Variants in DACT3 observed in about 807,000 individuals in gnomAD.
DACT3 encodes dishevelled binding antagonist of beta catenin 3.
DACT3 carries 5 observed loss-of-function variants against 19.6 expected under a neutral mutation model. The observed-to-expected ratio is 0.26, with a 90% CI of 0.13 to 0.54. DACT3 has a LOEUF of 0.54. Ranked by LOEUF, DACT3 falls within the 20% of genes least tolerant of loss-of-function variation. The probability of loss-of-function intolerance (pLI) is 0.95; values close to 1 mark genes in which losing one functional copy is unlikely to be tolerated. For missense variants in DACT3, 908 were observed against 927.4 expected (o/e 0.98, Z 0.27); for synonymous variants, 454 against 428.1 (o/e 1.06, Z -0.75).
chr19:46,649,643 C>A lies in DACT3; in HGVS notation c.729G>T (p.Gly243=), dbSNP rs1313257340. The change falls in exon 4 of 4, where the codon GGG becomes GGT. Residue 243 remains glycine (G), a synonymous_variant. Transcript: ENST00000391916. ...AGCCGTCCAGGGGCCGCCCTGCGCC[C>A]CCCGCGTCGGGCGAGTCGGTGGGAG... is the stretch of plus-strand genomic sequence containing the variant. ...GRPPTDSPDA[G]GAGRPLDGYI... 1.7e-5 allele frequency: 20 copies of A among 1,148,522 alleles called. No homozygotes were observed. The highest frequency in any genetic ancestry group is 2.1e-5 in the Non-Finnish European group (20 of 936,604). 71.1% of individuals were successfully genotyped at this position (1,148,522 alleles called of 1,614,324 possible). A position where few individuals can be genotyped will look rare whatever the true frequency, so the allele number is the denominator to read the frequency against.
rs375219049 is a variant in DACT3 at position 46,648,523 on chromosome 19, G to T, written c.1849C>A (p.Arg617Ser). 6.2e-7 allele frequency: 1 copy of T among 1,614,018 alleles called. No individual in the cohort carries two copies. The highest frequency in any genetic ancestry group is 8.5e-7 in the Non-Finnish European group (1 of 1,179,874). ...ACCTTGAGAGAACCCGAACGGAAAC[G>T]CAGTATCTTTTTCTTGAGCGCGTGG... ...ASHALKKKILRFRSGSLKVMT... is the reference protein window; with the variant it reads ...ASHALKKKILSFRSGSLKVMT... Residue 617 changes from arginine to serine, a missense_variant, in exon 4 of 4, where the codon CGT (arginine) becomes AGT (serine). Around this residue, in one of 2 missense-constraint regions of DACT3, gnomAD observed 656 missense variants for 601.8 expected, o/e 1.09. Transcript: ENST00000391916. This position sits in a 1 kb window ranked among gnomAD's most constrained non-coding sequence, Gnocchi z 5.1.
chr19:46,655,183 A>G, intron 1 of DACT3: 1 of 404,628 alleles, frequency 2.5e-6, no homozygotes, highest in Non-Finnish European at 3.3e-6. Flanking sequence ...TCCCCCACAT[A>G]CCTTCCTTGC....
At chr19:46,658,055 T>C (rs932048829) in intron 1 of DACT3, among the ~76,000 whole-genome samples, 5 of 151,832 alleles carry the variant, frequency 3.3e-5, no homozygotes, top group African/African-American at 1.2e-4. Flanking sequence ...ATTGTGCCAT[T>C]GCACTCTGGC....
chr19:46,649,032 G>A lies in DACT3; in HGVS notation c.1340C>T (p.Ala447Val). 2 of 1,275,110 alleles carry A rather than the reference G, an allele frequency of 1.6e-6. No individual in the cohort carries two copies. Among genetic ancestry groups the A allele is most frequent in the Non-Finnish European group, 2.0e-6 (2 of 1,012,762 alleles). 79.0% of individuals were successfully genotyped at this position (1,275,110 alleles called of 1,614,324 possible). ...TGGAGGCCGAGGCTCTTCCCGCTCC[G>A]CCGTGGGGTACTTAGGGGGCCCCGA... The part of the protein sequence containing the change: ...VPSGPPKYPT[A>V]EREEPRPPRP... The change falls in exon 4 of 4, where the codon GCG (alanine) becomes GTG (valine). Residue 447 changes from alanine to valine, a missense_variant. Physicochemically the swap from Ala to Val is moderately conservative, Grantham distance 64 (BLOSUM62 0). Coordinates refer to ENST00000391916, the MANE Select transcript of DACT3 (RefSeq NM_145056.3).
chr19:46,651,644 T>TTGTGTGTGTGTGTGTGTG (rs10600060), intron 3 of DACT3: 1 of 134,662 alleles, frequency 7.4e-6, no homozygotes, highest in South Asian at 2.5e-4. Flanking sequence ...CAGGCACTGT[T>TTGTGTGTGTGTGTGTGTG]TGTGTGTGTG....
At position 46,649,595 on chromosome 19, in the gene DACT3, C is replaced by T; in HGVS notation, c.777G>A (p.Arg259=). ...GCTGGCCCGCCCCCCGGCGGCGGCGCCTGCGCAGGAGCGCCGAGATGTAGC... is the reference window on the plus strand; with the variant it reads ...GCTGGCCCGCCCCCCGGCGGCGGCGTCTGCGCAGGAGCGCCGAGATGTAGC... ...LDGYISALLR[R]RRRRGAGQPR... is the part of the protein sequence containing the mutation. The change falls in exon 4 of 4, where the codon AGG becomes AGA. Residue 259 remains arginine, a synonymous_variant. Transcript: ENST00000391916. 2.7e-6 allele frequency: 3 copies of T among 1,114,344 alleles called. No homozygotes were observed. The highest frequency in any genetic ancestry group is 3.3e-6 in the Non-Finnish European group (3 of 909,312). The allele number at this position is 1,114,344 out of a possible 1,614,324, so 69.0% of individuals were successfully genotyped here.
Position 46,649,427 on chromosome 19 carries a change from G to C in DACT3, c.945C>G (p.Thr315=). ...PSLERVGGHP[T]SPAALSRAWA... is the part of the protein sequence containing the mutation. ...AGGCGCGGCTCAAGGCGGCAGGGCT[G>C]GTGGGGTGGCCCCCGACGCGCTCCA... Residue 315 remains threonine, a synonymous_variant, in exon 4 of 4, where the codon ACC becomes ACG. Transcript: ENST00000391916. 1 of 1,267,720 alleles carries C rather than the reference G, an allele frequency of 7.9e-7. No homozygotes were observed. Among genetic ancestry groups the C allele is most frequent in the Admixed American group, 3.4e-5 (1 of 29,118 alleles). The allele number at this position is 1,267,720 out of a possible 1,614,324, so 78.5% of individuals were successfully genotyped here. A position where few individuals can be genotyped will look rare whatever the true frequency, so the allele number is the denominator to read the frequency against.
Position 46,649,666 on chromosome 19 carries a change from G to C in DACT3, c.706C>G (p.Pro236Ala), listed in dbSNP as rs1463125864. The change falls in exon 4 of 4, where the codon CCC (proline) becomes GCC (alanine). Residue 236 changes from proline to alanine, a missense_variant. Pro to Ala is a conservative substitution (Grantham distance 27). Coordinates refer to ENST00000391916, the MANE Select transcript of DACT3 (RefSeq NM_145056.3). ...MRSPRPCGRP[P>A]TDSPDAGGAG... ...CCCCCCGCGTCGGGCGAGTCGGTGG[G>C]AGGGCGGCCGCAGGGCCGCGGGCTG... 1 of 1,167,770 alleles carries C rather than the reference G, an allele frequency of 8.6e-7. No homozygotes were observed. Among genetic ancestry groups the C allele is most frequent in the East Asian group, 4.0e-5 (1 of 25,038 alleles). 72.3% of individuals were successfully genotyped at this position (1,167,770 alleles called of 1,614,324 possible). A position where few individuals can be genotyped will look rare whatever the true frequency, so the allele number is the denominator to read the frequency against.
chr19:46,659,452 A>G (rs1304618500), intron 1 of DACT3: 14 of 980,510 alleles, frequency 1.4e-5, no homozygotes, highest in Non-Finnish European at 1.7e-5. Context: ...CCTTGTCAGG[A>G]TGGAAGGCGC....
At position 46,648,951 on chromosome 19, in the gene DACT3, C is replaced by T; in HGVS notation, c.1421G>A (p.Arg474His). 1.5e-6 allele frequency: 2 copies of T among 1,319,404 alleles called. No individual in the cohort carries two copies. The highest frequency in any genetic ancestry group is 2.0e-5 in the South Asian group (1 of 49,112). The allele number at this position is 1,319,404 out of a possible 1,614,324, so 81.7% of individuals were successfully genotyped here. A position where few individuals can be genotyped will look rare whatever the true frequency, so the allele number is the denominator to read the frequency against. ...GATCTCCGCAGTGGAGCGCCAGCGA[C>T]GGCAGGACCCTGCGGCCTGGGCCGC... ...TLAAQAAGSC[R>H]RWRSTAEIDA... The change falls in exon 4 of 4, where the codon CGT becomes CAT. Residue 474 changes from arginine (R) to histidine (H), a missense_variant. Physicochemically the swap from Arg to His is conservative, Grantham distance 29. Transcript: ENST00000391916. This position sits in a 1 kb window ranked among gnomAD's most constrained non-coding sequence, Gnocchi z 5.1.
chr19:46,653,841 A>G (rs1489703396), intron 1 of DACT3, among the ~76,000 whole-genome samples: 1 of 152,150 alleles, frequency 6.6e-6, no homozygotes, highest in Non-Finnish European at 1.5e-5. Context: ...GGCATGAGCC[A>G]CTGCGCCCAG....
chr19:46,652,483 T>C (rs1023847069), intron 3 of DACT3, 177 bp downstream of exon 3: 7 of 751,168 alleles, frequency 9.3e-6, no homozygotes, highest in Non-Finnish European at 1.5e-5. Flanking sequence ...CCAGCCATAT[T>C]TCATTTTAAC....
intron 1 of DACT3, among the ~76,000 whole-genome samples, chr19:46,658,405 T>C (rs1445524074): frequency 6.6e-6 from 1 of 152,060 alleles, no homozygotes; most frequent in East Asian, 1.9e-4. Context: ...AATAAATAAA[T>C]ATATCATTTA....
chr19:46,654,144 C>T (rs902166436), intron 1 of DACT3: 6 of 985,330 alleles, frequency 6.1e-6, no homozygotes, highest in Non-Finnish European at 6.0e-6. Context: ...TGGTCCACTC[C>T]CACCAGGAAG....
At chr19:46,659,206 C>A in intron 1 of DACT3, 2 of 985,180 alleles carry the variant, frequency 2.0e-6, no homozygotes. Flanking sequence ...CGCCTCCTCC[C>A]TGATGCTGGG....
Position 46,660,850 on chromosome 19 carries a change from G to A in DACT3, c.215C>T (p.Ala72Val). 6.6e-7 allele frequency: 1 copy of A among 1,519,096 alleles called. No individual in the cohort carries two copies. Among genetic ancestry groups the A allele is most frequent in the Non-Finnish European group, 8.8e-7 (1 of 1,139,160 alleles). 94.1% of individuals were successfully genotyped at this position (1,519,096 alleles called of 1,614,324 possible). The change falls in exon 1 of 4, where the codon GCG becomes GTG. Residue 72 changes from alanine (A) to valine (V), a missense_variant. By Grantham distance (64) the Ala-to-Val change is moderately conservative (BLOSUM62 0). Transcript: ENST00000391916. This position sits in a 1 kb window ranked among gnomAD's most constrained non-coding sequence, Gnocchi z 4.9. Reference sequence around the variant, plus strand: ...CTCCAGGGCCGCTGCGGCCCGGCGCGCCGCCGCCGCATCTTCATCCTCATC... The same window carrying A: ...CTCCAGGGCCGCTGCGGCCCGGCGCACCGCCGCCGCATCTTCATCCTCATC... ...DADEDEDAAA[A>V]RRAAAALEEQ...
chr19:46,654,749 G>A, intron 1 of DACT3: 1 of 985,376 alleles, frequency 1.0e-6, no homozygotes, highest in Non-Finnish European at 1.2e-6. Flanking sequence ...GTGGGGAGGA[G>A]GGTTTGGGAG....
Position 46,649,346 on chromosome 19 carries a change from G to A in DACT3, c.1026C>T (p.Ala342=). 8.0e-7 allele frequency: 1 copy of A among 1,243,220 alleles called. No individual in the cohort carries two copies. Among genetic ancestry groups the A allele is most frequent in the East Asian group, 3.7e-5 (1 of 27,126 alleles). 77.0% of individuals were successfully genotyped at this position (1,243,220 alleles called of 1,614,324 possible). The change falls in exon 4 of 4, where the codon GCC becomes GCT. Residue 342 remains alanine (A), a synonymous_variant. Coordinates refer to ENST00000391916, the MANE Select transcript of DACT3 (RefSeq NM_145056.3). The part of the protein sequence containing the change: ...AAPEPAAPPA[A]PSPPDSPAEG... ...CAGCCGGGCTGTCGGGGGGTGAGGGGGCGGCGGGCGGCGCAGCGGGCTCGG... is the reference window on the plus strand; with the variant it reads ...CAGCCGGGCTGTCGGGGGGTGAGGGAGCGGCGGGCGGCGCAGCGGGCTCGG...
rs1435169176 is a variant in DACT3, at chr19:46,659,892, G to A, written c.249+924C>T. Reference sequence around the variant, plus strand: ...ACAGGCAGGAAGGGAAGGCCAAGGAGACAGATGCAGAGGGACACAGAGATC... The same window carrying A: ...ACAGGCAGGAAGGGAAGGCCAAGGAAACAGATGCAGAGGGACACAGAGATC... On this transcript the variant is annotated intron_variant, in intron 1 of 3. Coordinates refer to ENST00000391916, the MANE Select transcript of DACT3 (RefSeq NM_145056.3). Among the ~76,000 whole-genome samples, 3 of 152,262 alleles carry A rather than the reference G, an allele frequency of 2.0e-5. No homozygotes were observed. The East Asian group carries it at 5.8e-4, about 29-fold the overall frequency.
Sources: gnomAD v4.1 joint callset for allele counts (sites outside exome capture counted in the v4.1 genomes callset) on GRCh38, gnomAD v4.1.1 for gene constraint, gnomAD v4.1.1 regional missense constraint, Gnocchi (gnomAD v3.1) non-coding constraint, MANE v1.5 for transcripts, NCBI Gene and HGNC (gene_info 2026-07-23, HGNC 2026-07-21) for gene names.